Variants in OR3A2 observed in about 807,000 individuals in gnomAD.
The protein encoded by OR3A2 is olfactory receptor 3A2.
For synonymous variants in OR3A2, 126 were observed against 159.3 expected, an observed-to-expected ratio of 0.79 and a Z score of 1.57; for missense variants, 318 against 392.8, an observed-to-expected ratio of 0.81 and a Z score of 1.61.
chr17:3,372,999 G>T (rs1237855082), intron 2 of OR3A2, among the ~76,000 whole-genome samples: 1 of 152,094 alleles, frequency 6.6e-6, no homozygotes, highest in Non-Finnish European at 1.5e-5. Context: ...TTCATAGGTT[G>T]TGTCACTCTT....
chr17:3,281,390 C>G (rs1032959007), intron 1 of OR3A2, among the ~76,000 whole-genome samples: 1 of 152,050 alleles, frequency 6.6e-6, no homozygotes, highest in Non-Finnish European at 1.5e-5. Context: ...TGCACCACCA[C>G]GCCCAGCTAA....
chr17:3,297,817 T>C (rs1396089735), intron 3 of OR3A2, among the ~76,000 whole-genome samples: 3 of 152,094 alleles, frequency 2.0e-5, no homozygotes, highest in Admixed American at 6.5e-5. Flanking sequence ...GATTGGGCTG[T>C]AGGAGTTGGG....
At chr17:3,277,869 G>T in exon 2 of OR3A2, 5 of 1,256,152 alleles carry the variant, frequency 4.0e-6, no homozygotes, top group Non-Finnish European at 5.5e-6. Context: ...AGCATCAGGA[G>T]ATAGGAAAAA....
chr17:3,302,200 A>T (rs890786555), intron 3 of OR3A2, among the ~76,000 whole-genome samples: 2 of 152,166 alleles, frequency 1.3e-5, no homozygotes, highest in Non-Finnish European at 2.9e-5. Context: ...TGCCATCCCC[A>T]TCAAGCTACC....
At chr17:3,305,639 A>G (rs757573518) in intron 3 of OR3A2, among the ~76,000 whole-genome samples, 3 of 152,266 alleles carry the variant, frequency 2.0e-5, no homozygotes, top group Admixed American at 1.3e-4. Context: ...ATGTTAGCAC[A>G]TGCAAATGGT....
chr17:3,386,305 G>A (rs1476728035), upstream of OR3A2: 11 of 398,288 alleles, frequency 2.8e-5, no homozygotes, highest in Non-Finnish European at 4.4e-6. Context: ...CCCGACGGCG[G>A]CGTGCCGGCC....
intron 2 of OR3A2, among the ~76,000 whole-genome samples, chr17:3,379,267 T>G (rs774425451): frequency 6.6e-6 from 1 of 152,044 alleles, no homozygotes; most frequent in Non-Finnish European, 1.5e-5. Context: ...CCTGGGAAGT[T>G]AGGTTGGCCC....
intron 3 of OR3A2, chr17:3,291,753 A>G: frequency 6.2e-7 from 1 of 1,613,824 alleles, no homozygotes; most frequent in African/African-American, 1.3e-5. Flanking sequence ...GAAAATTCCA[A>G]CAGCTTTATC....
chr17:3,285,893 T>C (rs1000159618), upstream of OR3A2, among the ~76,000 whole-genome samples: 2 of 152,226 alleles, frequency 1.3e-5, no homozygotes, highest in African/African-American at 4.8e-5. Flanking sequence ...GGAGTCTCAG[T>C]CTTCACAATT....
At chr17:3,371,709 C>A (rs530640286) in intron 2 of OR3A2, among the ~76,000 whole-genome samples, 4 of 145,252 alleles carry the variant, frequency 2.8e-5, no homozygotes, top group African/African-American at 7.6e-5. Flanking sequence ...GACCCCCCCA[C>A]CTCCCTCCCG....
intron 2 of OR3A2, among the ~76,000 whole-genome samples, chr17:3,372,058 C>A (rs1416402518): frequency 1.4e-5 from 2 of 139,568 alleles, no homozygotes; most frequent in African/African-American, 2.8e-5. Flanking sequence ...GGGCTCCTCA[C>A]TTCTCAGACG....
rs938830890 is a variant in OR3A2 at position 3,357,860 on chromosome 17, G to A, written c.-178-21734C>T. On this transcript the variant is annotated intron_variant, in intron 2 of 4. Transcript: ENST00000573491. ...TGAGCTGCCACTGCTGGGAAAAATG[G>A]TGTATTTTATGTTATGTATGTTTTA... Among the ~76,000 whole-genome samples the A allele has an allele frequency of 4.1e-5, 5 of 122,454 alleles. No individual in the cohort carries two copies. In the Admixed American group the frequency reaches 4.7e-4, roughly 12 times the overall value. 80.3% of individuals were successfully genotyped at this position (122,454 alleles called of 152,430 possible).
At chr17:3,277,850 C>T (rs548784929) in exon 2 of OR3A2, 41 of 1,052,930 alleles carry the variant, frequency 3.9e-5, no homozygotes, top group Admixed American at 6.9e-5. Flanking sequence ...TATGTAACAC[C>T]GATCTTCAAG....
At chr17:3,382,610 ACT>A (rs2049747308) in intron 2 of OR3A2, among the ~76,000 whole-genome samples, 1 of 152,088 alleles carries the variant, frequency 6.6e-6, no homozygotes, top group Non-Finnish European at 1.5e-5. Context: ...CCACGTCCAA[ACT>A]CTGCCTTACA....
At chr17:3,359,271 C>A (rs1159161426) in intron 2 of OR3A2, among the ~76,000 whole-genome samples, 1 of 151,710 alleles carries the variant, frequency 6.6e-6, no homozygotes, top group East Asian at 1.9e-4. Context: ...AGCCCATTCA[C>A]CTTCAAGGTC....
intron 1 of OR3A2, chr17:3,385,867 T>A (rs2049772835): frequency 7.5e-6 from 3 of 398,238 alleles, no homozygotes; most frequent in South Asian, 1.3e-4. Context: ...CTACCCGGAG[T>A]TCTAGAATTT....
chr17:3,303,942 A>ATG (rs1458606296), intron 3 of OR3A2, among the ~76,000 whole-genome samples: 1 of 146,084 alleles, frequency 6.8e-6, no homozygotes, highest in Non-Finnish European at 1.5e-5. Flanking sequence ...TATTATATAT[A>ATG]TATATTAGAA....
chr17:3,329,813 A>G (rs2049213557), intron 3 of OR3A2, among the ~76,000 whole-genome samples: 1 of 107,298 alleles, frequency 9.3e-6, no homozygotes, highest in Non-Finnish European at 1.8e-5. Context: ...TAGGGTGTCA[A>G]TTTTGGATCT....
chr17:3,334,617 G>T (rs1407749726), intron 3 of OR3A2, among the ~76,000 whole-genome samples: 4 of 152,108 alleles, frequency 2.6e-5, no homozygotes, highest in Non-Finnish European at 5.9e-5. Context: ...CTTCCAGGTT[G>T]ACTATAGAAT....
Sources: gnomAD v4.1 joint callset for allele counts (sites outside exome capture counted in the v4.1 genomes callset) on GRCh38, gnomAD v4.1.1 for gene constraint, MANE v1.5 for transcripts, NCBI Gene and HGNC (gene_info 2026-07-23, HGNC 2026-07-21) for gene names.